Variants in TAFA2 observed in about 807,000 individuals in gnomAD.
The protein encoded by TAFA2 is TAFA chemokine like family member 2, also known as chemokine-like protein TAFA-2.
In TAFA2, 7 loss-of-function variants were observed where a neutral mutation model predicts 18.8. That is an observed-to-expected ratio of 0.37 (90% CI 0.21 to 0.70). The LOEUF is 0.70. Ranked by LOEUF, TAFA2 falls within the 30% of genes least tolerant of loss-of-function variation. The probability of loss-of-function intolerance (pLI) is 0.53; values close to 1 mark genes in which losing one functional copy is unlikely to be tolerated. For missense variants in TAFA2, 122 were observed against 158.1 expected, an observed-to-expected ratio of 0.77 and a Z score of 1.23; for synonymous variants, 60 against 54.2, an observed-to-expected ratio of 1.11 and a Z score of -0.47.
At position 61,793,755 on chromosome 12, in the gene TAFA2, G is replaced by A. The variant is rs76038688; in HGVS notation, c.107-38731C>T. 6.0e-3 allele frequency among the ~76,000 whole-genome samples: 910 copies of A among 151,786 alleles called. 5 individuals are homozygous for A. Among genetic ancestry groups the A allele is most frequent in the African/African-American group, 0.021 (858 of 41,452 alleles). Reference sequence around the variant, plus strand: ...TCTCAACTCACTCTGTGAAGCTAGCGTTATCCTGATAATAAAAACAAAACA... The same window carrying A: ...TCTCAACTCACTCTGTGAAGCTAGCATTATCCTGATAATAAAAACAAAACA... On this transcript the variant is annotated intron_variant, in intron 2 of 4. Transcript: ENST00000416284.
intron 1 of TAFA2, among the ~76,000 whole-genome samples, chr12:62,095,224 C>CT (rs967340814): frequency 3.3e-5 from 5 of 152,092 alleles, no homozygotes; most frequent in African/African-American, 1.2e-4. Flanking sequence ...AATGCAAGGT[C>CT]TTTGAGCATC....
chr12:61,905,974 A>G (rs1033972192), intron 1 of TAFA2, among the ~76,000 whole-genome samples: 2 of 152,210 alleles, frequency 1.3e-5, no homozygotes, highest in Non-Finnish European at 2.9e-5. Flanking sequence ...TGTTGTTAAC[A>G]TACATCTTTA....
At position 61,801,259 on chromosome 12, in the gene TAFA2, A is replaced by G. The variant is rs552545389; in HGVS notation, c.107-46235T>C. Among the ~76,000 whole-genome samples the G allele has an allele frequency of 3.9e-5, 6 of 152,244 alleles. No individual in the cohort carries two copies. In the East Asian group the frequency reaches 5.8e-4, roughly 15 times the overall value. On this transcript the variant is annotated intron_variant, in intron 2 of 4. Coordinates refer to ENST00000416284, the MANE Select transcript of TAFA2 (RefSeq NM_178539.5). The stretch of plus-strand genomic sequence containing the variant: ...ATTAATGTCATTATTTGCAGAAATA[A>G]AAGAAAATTATTCTAAAATTTGTAT...
chr12:62,153,958 T>TATGTTATGTA (rs2062349616), intron 1 of TAFA2, among the ~76,000 whole-genome samples: 2 of 151,828 alleles, frequency 1.3e-5, no homozygotes, highest in Admixed American at 1.3e-4. Context: ...TATGTTATGT[T>TATGTTATGTA]ATGTTATGTT....
rs146799695 is a variant in TAFA2, at chr12:61,928,643, G to T, written c.-1-61217C>A. On this transcript the variant is annotated intron_variant, in intron 1 of 4. Coordinates refer to ENST00000416284, the MANE Select transcript of TAFA2 (RefSeq NM_178539.5). ...GTATCTAGAACCAGAAATACCACTTGACCCAGCAATCCCATTACTGGGTAC... is the reference window on the plus strand; with the variant it reads ...GTATCTAGAACCAGAAATACCACTTTACCCAGCAATCCCATTACTGGGTAC... Among the ~76,000 whole-genome samples, 399 of 152,236 alleles carry T rather than the reference G, an allele frequency of 2.6e-3. 2 individuals are homozygous for T. The highest frequency in any genetic ancestry group is 9.1e-3 in the African/African-American group (379 of 41,542).
At chr12:61,912,280 T>C (rs1876641877) in intron 1 of TAFA2, among the ~76,000 whole-genome samples, 1 of 152,230 alleles carries the variant, frequency 6.6e-6, no homozygotes, top group Admixed American at 6.5e-5. Context: ...GCAGTTCTCA[T>C]TCTATATTTG....
intron 2 of TAFA2, among the ~76,000 whole-genome samples, chr12:61,805,650 C>T (rs1871580787): frequency 6.6e-6 from 1 of 151,974 alleles, no homozygotes; most frequent in Non-Finnish European, 1.5e-5. Context: ...CCAAACAATC[C>T]TCTTTTGAAT....
intron 1 of TAFA2, among the ~76,000 whole-genome samples, chr12:61,903,484 C>T (rs1229052839): frequency 6.6e-6 from 1 of 152,118 alleles, no homozygotes; most frequent in Non-Finnish European, 1.5e-5. Flanking sequence ...TTTTCTGACT[C>T]CAGCATCTAA....
chr12:61,842,777 T>C (rs947344592), intron 2 of TAFA2, among the ~76,000 whole-genome samples: 1 of 152,218 alleles, frequency 6.6e-6, no homozygotes, highest in Non-Finnish European at 1.5e-5. Context: ...CAAGAGCTAT[T>C]TAACATTGAA....
At chr12:61,939,410 GTGTAT>G (rs1877904518) in intron 1 of TAFA2, among the ~76,000 whole-genome samples, 1 of 152,048 alleles carries the variant, frequency 6.6e-6, no homozygotes, top group Non-Finnish European at 1.5e-5. Flanking sequence ...TGAATACAAT[GTGTAT>G]CTTTGGTTTA....
chr12:61,936,413 C>T (rs961583767), intron 1 of TAFA2, among the ~76,000 whole-genome samples: 1 of 151,818 alleles, frequency 6.6e-6, no homozygotes, highest in African/African-American at 2.4e-5. Flanking sequence ...ACTAAAAATA[C>T]AAAACTTAGC....
intron 1 of TAFA2, among the ~76,000 whole-genome samples, chr12:62,160,284 G>C (rs1335981610): frequency 1.3e-5 from 2 of 152,202 alleles, no homozygotes; most frequent in Non-Finnish European, 2.9e-5. Flanking sequence ...GTGTCTATGA[G>C]TATGCATTGA....
chr12:61,911,112 A>G (rs1259520751), intron 1 of TAFA2, among the ~76,000 whole-genome samples: 1 of 152,182 alleles, frequency 6.6e-6, no homozygotes, highest in African/African-American at 2.4e-5. Flanking sequence ...ACTTTACCTT[A>G]CACTTTCTAG....
At chr12:61,822,873 T>A (rs1592412566) in intron 2 of TAFA2, among the ~76,000 whole-genome samples, 1 of 152,172 alleles carries the variant, frequency 6.6e-6, no homozygotes, top group African/African-American at 2.4e-5. Context: ...ACATATTCTT[T>A]AAGAAGTAGA....
At chr12:61,735,327 TTG>T (rs1360935352) in intron 4 of TAFA2, among the ~76,000 whole-genome samples, 1 of 152,048 alleles carries the variant, frequency 6.6e-6, no homozygotes. Context: ...CAGCATATAC[TTG>T]TGTTTTGATC....
At chr12:62,233,004 TTC>T (rs1361811129) in intron 1 of TAFA2, among the ~76,000 whole-genome samples, 2 of 150,128 alleles carry the variant, frequency 1.3e-5, no homozygotes, top group African/African-American at 4.9e-5. Flanking sequence ...AGAAATGCCT[TTC>T]TAACCCCCTT....
intron 2 of TAFA2, among the ~76,000 whole-genome samples, chr12:61,784,967 T>A (rs564935807): frequency 1.3e-5 from 2 of 151,588 alleles, no homozygotes; most frequent in Admixed American, 1.3e-4. Flanking sequence ...GTTGGGAATA[T>A]TCAATATCCT....
intron 4 of TAFA2, among the ~76,000 whole-genome samples, chr12:61,724,948 T>C (rs982989596): frequency 6.6e-6 from 1 of 151,852 alleles, no homozygotes; most frequent in Non-Finnish European, 1.5e-5. Flanking sequence ...AGTGTAAGTG[T>C]TCTATTTTCA....
At chr12:62,131,293 A>G (rs975179068) in intron 1 of TAFA2, among the ~76,000 whole-genome samples, 4 of 152,048 alleles carry the variant, frequency 2.6e-5, no homozygotes, top group African/African-American at 9.7e-5. Context: ...ACACAGAGAA[A>G]GAAAAAAGAA....
Sources: gnomAD v4.1 joint callset for allele counts (sites outside exome capture counted in the v4.1 genomes callset) on GRCh38, gnomAD v4.1.1 for gene constraint, MANE v1.5 for transcripts, NCBI Gene and HGNC (gene_info 2026-07-23, HGNC 2026-07-21) for gene names.